PARVB: variants seen among roughly 807,000 people sequenced by gnomAD.
PARVB encodes beta-parvin.
PARVB carries 46 observed loss-of-function variants against 47.0 expected under a neutral mutation model. The observed-to-expected ratio is 0.98, with a 90% confidence interval of 0.77 to 1.25. The LOEUF is 1.25. Ranked by LOEUF, PARVB falls within the 50% of genes most tolerant of loss-of-function variation. PARVB has a pLI of 0.00. For synonymous variants in PARVB, 196 were observed against 196.3 expected (o/e 1.00, Z 0.01); for missense variants, 473 against 471.6 (o/e 1.00, Z -0.03).
chr22:44,152,867 C>T (rs2053840677), intron 10 of PARVB: 1 of 152,200 alleles, frequency 6.6e-6, no homozygotes, highest in Non-Finnish European at 1.5e-5. Context: ...ATTCCCTTCT[C>T]TTTCTTTAAC....
rs188609269 is a variant in PARVB at position 44,165,682 on chromosome 22, C to T, written c.1018+1752C>T. 7.9e-5 allele frequency among the ~76,000 whole-genome samples: 12 copies of T among 152,308 alleles called. No individual in the cohort carries two copies. In the South Asian group the frequency reaches 1.0e-3, roughly 13 times the overall value. On this transcript the variant is annotated intron_variant, in intron 12 of 12. Coordinates refer to ENST00000338758, the MANE Select transcript of PARVB (RefSeq NM_013327.5). ...CGTCATGGGGTCGCTGGATGGGGGG[C>T]GGATGTTCATCACACAGGACTTGTC...
chr22:44,147,994 T>A (rs2053724750), intron 9 of PARVB, 72 bp downstream of exon 9: 2 of 1,144,900 alleles, frequency 1.7e-6, no homozygotes, highest in Middle Eastern at 2.2e-4. Context: ...AACGCCCCGC[T>A]GGGAAGAAGG....
intron 3 of PARVB, chr22:44,109,691 G>C (rs1433768984): frequency 6.6e-6 from 1 of 152,066 alleles, no homozygotes; most frequent in African/African-American, 2.4e-5. Flanking sequence ...TGTTATTTTT[G>C]GGTTTGGTCT....
chr22:44,140,624 G>A (rs2053532513), intron 8 of PARVB: 2 of 518,624 alleles, frequency 3.9e-6, no homozygotes, highest in South Asian at 2.8e-5. Flanking sequence ...GCTCATTCCT[G>A]GCTGGTGGCT....
At chr22:44,122,597 A>G in intron 4 of PARVB, among the ~76,000 whole-genome samples, 1 of 139,126 alleles carries the variant, frequency 7.2e-6, no homozygotes, top group Admixed American at 7.2e-5. Flanking sequence ...AGAGAGAGAG[A>G]GAGAGAGAGA....
At chr22:44,154,454 G>T (rs1197493792) in intron 10 of PARVB, among the ~76,000 whole-genome samples, 1 of 152,136 alleles carries the variant, frequency 6.6e-6, no homozygotes, top group Non-Finnish European at 1.5e-5. Flanking sequence ...GTGGGTGAGT[G>T]TGGTTTATGT....
chr22:44,029,847 T>C (rs1207245155), intron 1 of PARVB, among the ~76,000 whole-genome samples: 1 of 151,834 alleles, frequency 6.6e-6, no homozygotes, highest in African/African-American at 2.4e-5. Flanking sequence ...GAAGCAGAGG[T>C]TGCAGTGAGC....
rs537952065 is a variant in PARVB at position 44,169,606 on chromosome 22, C to A, written c.*928C>A. On this transcript the variant is annotated 3_prime_UTR_variant, in exon 13 of 13. Coordinates refer to ENST00000338758, the MANE Select transcript of PARVB (RefSeq NM_013327.5). ...GACATCAGAGAATTACATCCTCAGGCCTTTCGCCTTGGCTTGTAGATGCCG... is the reference window on the plus strand; with the variant it reads ...GACATCAGAGAATTACATCCTCAGGACTTTCGCCTTGGCTTGTAGATGCCG... 2 of 150,638 alleles carry A rather than the reference C, an allele frequency of 1.3e-5. No homozygotes were observed. The highest frequency in any genetic ancestry group is 2.9e-5 in the Non-Finnish European group (2 of 68,062). The allele number at this position is 150,638 out of a possible 1,614,324, so 9.3% of individuals were successfully genotyped here.
At chr22:44,102,359 C>A (rs917997273) in intron 3 of PARVB, among the ~76,000 whole-genome samples, 16 of 152,354 alleles carry the variant, frequency 1.1e-4, no homozygotes, top group African/African-American at 3.6e-4. Flanking sequence ...CATTGGCTAT[C>A]TGGGCACCCC....
chr22:44,119,788 G>C (rs1439430591), intron 4 of PARVB: 1 of 532,790 alleles, frequency 1.9e-6, no homozygotes, highest in Non-Finnish European at 3.8e-6. Context: ...AATGGTTACA[G>C]TTACTGTTCA....
At chr22:44,043,486 C>G (rs1202644946) in intron 1 of PARVB, among the ~76,000 whole-genome samples, 1 of 152,144 alleles carries the variant, frequency 6.6e-6, no homozygotes, top group African/African-American at 2.4e-5. Context: ...TCACGCCATT[C>G]TCCTCCTTGG....
rs775300763 is a variant in PARVB at position 44,171,783 on chromosome 22, C to G, written c.*3105C>G. ...GGCACTTGTGTTTCACAACAGGGAC[C>G]CTTAAAGGCGATGTTTCCAGCAAAG... On this transcript the variant is annotated 3_prime_UTR_variant, in exon 13 of 13. Coordinates refer to ENST00000338758, the MANE Select transcript of PARVB (RefSeq NM_013327.5). 7.9e-5 allele frequency: 12 copies of G among 151,044 alleles called. No homozygotes were observed. Among genetic ancestry groups the G allele is most frequent in the Non-Finnish European group, 1.6e-4 (11 of 67,896 alleles). The allele number at this position is 151,044 out of a possible 1,614,324, so 9.4% of individuals were successfully genotyped here.
At chr22:43,999,239 C>T (rs1161129208) in exon 1 of PARVB, 3 of 915,640 alleles carry the variant, frequency 3.3e-6, no homozygotes, top group Non-Finnish European at 4.9e-6. Context: ...ACGTCCTCCC[C>T]ATCTCCGGCA....
At chr22:44,060,962 G>A (rs747762253) in intron 1 of PARVB, among the ~76,000 whole-genome samples, 44 of 152,256 alleles carry the variant, frequency 2.9e-4, no homozygotes, top group Non-Finnish European at 5.4e-4. Context: ...TTAAAGATAC[G>A]TTATTTAAAA....
chr22:44,053,497 G>C (rs942192867), intron 1 of PARVB, among the ~76,000 whole-genome samples: 2 of 152,206 alleles, frequency 1.3e-5, no homozygotes, highest in Non-Finnish European at 2.9e-5. Flanking sequence ...TACAGGTAGC[G>C]GGGATGCCTG....
chr22:44,087,400 T>G (rs910014), intron 1 of PARVB, among the ~76,000 whole-genome samples: 86,109 of 152,082 alleles, frequency 0.57, 24,842 homozygotes, highest in African/African-American at 0.67. Context: ...CAGCCTCCAT[T>G]GGGCCTTTGT....
At chr22:44,076,254 G>A (rs1295715260) in intron 1 of PARVB, among the ~76,000 whole-genome samples, 2 of 152,376 alleles carry the variant, frequency 1.3e-5, no homozygotes, top group African/African-American at 4.8e-5. Flanking sequence ...CATGGCCGCT[G>A]ATTTGGGGGA....
At position 44,157,973 on chromosome 22, in the gene PARVB, T is replaced by C. The variant is rs1167770319; in HGVS notation, c.844-9T>C. On this transcript the variant is annotated splice_polypyrimidine_tract_variant and intron_variant, in intron 10 of 12. Transcript: ENST00000338758. ...CCTGCCCGGAAACATCACAAGTCTTTCTCTGCAGTTTGCAGATGGCGTGTA... is the reference window on the plus strand; with the variant it reads ...CCTGCCCGGAAACATCACAAGTCTTCCTCTGCAGTTTGCAGATGGCGTGTA... The C allele has an allele frequency of 8.8e-6, 14 of 1,596,156 alleles. No homozygotes were observed. The highest frequency in any genetic ancestry group is 1.0e-5 in the Non-Finnish European group (12 of 1,168,990).
At chr22:44,051,426 C>A (rs2146938737) in intron 1 of PARVB, among the ~76,000 whole-genome samples, 1 of 152,226 alleles carries the variant, frequency 6.6e-6, no homozygotes, top group East Asian at 1.9e-4. Flanking sequence ...CAGTGAAGCC[C>A]TTCAGTCCCA....
Sources: gnomAD v4.1 joint callset for allele counts (sites outside exome capture counted in the v4.1 genomes callset) on GRCh38, gnomAD v4.1.1 for gene constraint, MANE v1.5 for transcripts, NCBI Gene and HGNC (gene_info 2026-07-23, HGNC 2026-07-21) for gene names.